The following RBFOX1 variants were observed in gnomAD, a reference collection of about 807,000 sequenced individuals.
RBFOX1 encodes the protein RNA binding protein fox-1 homolog 1.
RBFOX1 carries 8 observed loss-of-function variants against 57.7 expected under a neutral mutation model. That is an observed-to-expected ratio of 0.14 (90% CI 0.08 to 0.25). The LOEUF is 0.25. Ranked by LOEUF, RBFOX1 falls within the 10% of genes least tolerant of loss-of-function variation. The pLI is 1.00. For synonymous variants in RBFOX1, 326 were observed against 222.4 expected (o/e 1.47, Z -4.15); for missense variants, 611 against 548.5 (o/e 1.11, Z -1.14).
At chr16:6,497,659 T>A (rs111248646) in intron 2 of RBFOX1, among the ~76,000 whole-genome samples, 3,366 of 151,962 alleles carry the variant, frequency 0.022, 122 homozygotes, top group African/African-American at 0.077. Flanking sequence ...CAGGTTCAAG[T>A]GATTGTCCTG....
At chr16:6,799,602 C>G (rs1567297381) in intron 3 of RBFOX1, among the ~76,000 whole-genome samples, 1 of 151,994 alleles carries the variant, frequency 6.6e-6, no homozygotes, top group African/African-American at 2.4e-5. Flanking sequence ...AGAGAAAGAC[C>G]CACCCTCAAT....
intron 1 of RBFOX1, among the ~76,000 whole-genome samples, chr16:5,361,214 GT>G (rs1432580964): frequency 3.3e-5 from 5 of 152,150 alleles, no homozygotes; most frequent in African/African-American, 1.2e-4. Context: ...TGGTGATATG[GT>G]TCTGTCTTCC....
At chr16:5,830,072 C>G (rs2056210173) in intron 3 of RBFOX1, among the ~76,000 whole-genome samples, 1 of 152,200 alleles carries the variant, frequency 6.6e-6, no homozygotes, top group Admixed American at 6.5e-5. Context: ...CACACTGCCA[C>G]TTTTCTTCAG....
chr16:6,785,676 T>G (rs907473594), intron 3 of RBFOX1, among the ~76,000 whole-genome samples: 1 of 152,230 alleles, frequency 6.6e-6, no homozygotes, highest in Non-Finnish European at 1.5e-5. Context: ...CCATGTACCA[T>G]GTTCCATGTG....
chr16:6,325,600 A>G (rs1599654834), intron 2 of RBFOX1, among the ~76,000 whole-genome samples: 1 of 152,170 alleles, frequency 6.6e-6, no homozygotes, highest in Non-Finnish European at 1.5e-5. Flanking sequence ...ACATTAGTGA[A>G]TCTGGAATCA....
chr16:7,354,762 C>G (rs761910157), intron 4 of RBFOX1, among the ~76,000 whole-genome samples: 3 of 152,090 alleles, frequency 2.0e-5, no homozygotes, highest in Admixed American at 1.3e-4. Flanking sequence ...ATTCAGTAGC[C>G]CTCAAAACTG....
At chr16:6,668,596 T>TTC (rs1376558366) in intron 3 of RBFOX1, among the ~76,000 whole-genome samples, 1 of 152,212 alleles carries the variant, frequency 6.6e-6, no homozygotes, top group East Asian at 1.9e-4. Context: ...TCGAGAAGCC[T>TTC]TCTCTGTTGA....
At chr16:7,486,687 A>G (rs921683611) in intron 4 of RBFOX1, among the ~76,000 whole-genome samples, 2 of 152,036 alleles carry the variant, frequency 1.3e-5, no homozygotes, top group Admixed American at 6.6e-5. Flanking sequence ...TCTGGGTGGT[A>G]TCTCCTGCCA....
chr16:6,501,081 G>A (rs2095903541), intron 2 of RBFOX1, among the ~76,000 whole-genome samples: 1 of 148,974 alleles, frequency 6.7e-6, no homozygotes, highest in South Asian at 2.1e-4. Context: ...CCTGCTTGAT[G>A]AGTTCAGAGG....
intron 4 of RBFOX1, among the ~76,000 whole-genome samples, chr16:7,491,560 T>C (rs1310550620): frequency 6.6e-6 from 1 of 151,590 alleles, no homozygotes; most frequent in Non-Finnish European, 1.5e-5. Context: ...AAGGCAATCT[T>C]TTGAATTAGT....
chr16:7,403,087 C>T (rs1455306221), intron 4 of RBFOX1, among the ~76,000 whole-genome samples: 1 of 152,068 alleles, frequency 6.6e-6, no homozygotes, highest in African/African-American at 2.4e-5. Context: ...TTTATTTTCC[C>T]CCGGCTCTAT....
At chr16:5,912,369 C>T (rs149197683) in intron 4 of RBFOX1, among the ~76,000 whole-genome samples, 84 of 152,282 alleles carry the variant, frequency 5.5e-4, no homozygotes, top group African/African-American at 1.9e-3. Context: ...CATTTAGCTG[C>T]GCCTGGGAGA....
At position 7,036,946 on chromosome 16, in the gene RBFOX1, A is replaced by T. The variant is rs372674512; in HGVS notation, c.-15-15111A>T. On this transcript the variant is annotated intron_variant, in intron 3 of 15. Coordinates refer to ENST00000550418, the MANE Select transcript of RBFOX1 (RefSeq NM_018723.4). The stretch of plus-strand genomic sequence containing the variant: ...TGACATGCTAAACAAGGAGTAGATT[A>T]TTCATGCTTCCCCTTTTTAGATCAT... 1.1e-4 allele frequency among the ~76,000 whole-genome samples: 16 copies of T among 152,246 alleles called. No homozygotes were observed. In the East Asian group the frequency reaches 1.4e-3, roughly 13 times the overall value.
chr16:7,274,442 A>G (rs1486952327), intron 4 of RBFOX1, among the ~76,000 whole-genome samples: 1 of 152,026 alleles, frequency 6.6e-6, no homozygotes, highest in Non-Finnish European at 1.5e-5. Context: ...CACATACACA[A>G]CTTTATGCAA....
chr16:6,763,843 C>G (rs549580053), intron 3 of RBFOX1, among the ~76,000 whole-genome samples: 3 of 152,194 alleles, frequency 2.0e-5, no homozygotes, highest in Non-Finnish European at 1.5e-5. Flanking sequence ...TTTTGAAGAT[C>G]TTCTGTAATT....
intron 3 of RBFOX1, among the ~76,000 whole-genome samples, chr16:5,743,639 C>T (rs1014348282): frequency 6.6e-6 from 1 of 152,188 alleles, no homozygotes; most frequent in Non-Finnish European, 1.5e-5. Flanking sequence ...TAAAAAATCA[C>T]ACATGATTTT....
At position 7,029,071 on chromosome 16, in the gene RBFOX1, TATATATATATACACAC is replaced by T. The variant is rs1419817730; in HGVS notation, c.-15-22984_-15-22969del. On this transcript the variant is annotated intron_variant, in intron 3 of 15. Coordinates refer to ENST00000550418, the MANE Select transcript of RBFOX1 (RefSeq NM_018723.4). ...CTATATATATATATATATATATATATATATATATATACACACACACACACACACACACACACACACA... is the reference window on the plus strand; with the variant it reads ...CTATATATATATATATATATATATATACACACACACACACACACACACACA... 1.5e-3 allele frequency among the ~76,000 whole-genome samples: 39 copies of T among 25,540 alleles called. 3 individuals carry two copies. The highest frequency in any genetic ancestry group is 7.0e-3 in the African/African-American group (35 of 4,998). The allele number at this position is 25,540 out of a possible 152,430, so 16.8% of individuals were successfully genotyped here. A position where few individuals can be genotyped will look rare whatever the true frequency, so the allele number is the denominator to read the frequency against.
chr16:5,381,094 A>G (rs1282558625), intron 1 of RBFOX1, among the ~76,000 whole-genome samples: 2 of 152,212 alleles, frequency 1.3e-5, no homozygotes, highest in Non-Finnish European at 2.9e-5. Flanking sequence ...TAGATACGCC[A>G]CTGGAGAGGA....
At chr16:7,463,452 C>G (rs899816309) in intron 4 of RBFOX1, among the ~76,000 whole-genome samples, 1 of 152,134 alleles carries the variant, frequency 6.6e-6, no homozygotes, top group African/African-American at 2.4e-5. Context: ...TGCAGTGAGC[C>G]AAGATTGCGT....
Sources: gnomAD v4.1 joint callset for allele counts (sites outside exome capture counted in the v4.1 genomes callset) on GRCh38, gnomAD v4.1.1 for gene constraint, MANE v1.5 for transcripts, NCBI Gene and HGNC (gene_info 2026-07-23, HGNC 2026-07-21) for gene names.